Variants in SNED1 observed in about 807,000 individuals in gnomAD.
SNED1 encodes sushi, nidogen and EGF like domains 1, also known as sushi, nidogen and EGF-like domain-containing protein 1.
In SNED1, 81 loss-of-function variants were observed where a neutral mutation model predicts 166.7. That is an observed-to-expected ratio of 0.49 (90% confidence interval 0.41 to 0.58). The LOEUF is 0.58. Ranked by LOEUF, SNED1 falls within the 20% of genes least tolerant of loss-of-function variation. The pLI, the probability that SNED1 is intolerant of heterozygous loss-of-function variation, is 0.00. For synonymous variants in SNED1, 762 were observed against 822.0 expected (o/e 0.93, Z 1.25); for missense variants, 1,604 against 2,000.2 (o/e 0.80, Z 3.78).
At chr2:241,071,146 C>T (rs552414732) in intron 24 of SNED1, among the ~76,000 whole-genome samples, 29 of 152,302 alleles carry the variant, frequency 1.9e-4, no homozygotes, top group Admixed American at 3.3e-4. Flanking sequence ...GATGCACCCT[C>T]ACTCTCAGGG....
At chr2:241,071,746 T>G in intron 25 of SNED1, 26 bp downstream of exon 25, 1 of 837,546 alleles carries the variant, frequency 1.2e-6, no homozygotes, top group Non-Finnish European at 1.7e-6. Context: ...ATCGGCCCCA[T>G]CGCCCGAGGC....
Position 241,067,955 on chromosome 2 carries a change from G to A in SNED1, c.3194+8G>A, listed in dbSNP as rs769378677. ...GGACAGGTTCACCTTTAGGTAAGAA[G>A]GGACACCCAGAGCATGGGGCTGGGG... On this transcript the variant is annotated splice_region_variant and intron_variant, in intron 22 of 31. Transcript: ENST00000310397. The A allele has an allele frequency of 3.4e-5, 55 of 1,602,568 alleles. No homozygotes were observed. Among genetic ancestry groups the A allele is most frequent in the Non-Finnish European group, 4.3e-5 (50 of 1,171,338 alleles).
rs1302681968 is a variant in SNED1, at chr2:241,045,223, T to C, written c.1274-3092T>C. 2.0e-5 allele frequency among the ~76,000 whole-genome samples: 3 copies of C among 152,368 alleles called. No individual in the cohort carries two copies. In the East Asian group the frequency reaches 5.8e-4, roughly 29 times the overall value. On this transcript the variant is annotated intron_variant, in intron 8 of 31. Transcript: ENST00000310397. ...AGACTCAACGTAGTAAATATGGCAG[T>C]GCTCTCTAAATTGATTTATAGATTT...
chr2:241,049,260 C>T (rs2061755870), intron 11 of SNED1, 125 bp downstream of exon 11: 1 of 673,100 alleles, frequency 1.5e-6, no homozygotes, highest in Admixed American at 2.4e-5. Context: ...AGAGCTGGCA[C>T]CTGGGGAAGC....
At chr2:241,084,081 C>G (rs1048812727) in intron 29 of SNED1, among the ~76,000 whole-genome samples, 5 of 150,862 alleles carry the variant, frequency 3.3e-5, no homozygotes, top group Admixed American at 2.0e-4. Context: ...CACCTTAACA[C>G]AATGTACCCT....
chr2:241,040,616 T>C (rs561476160), intron 8 of SNED1, among the ~76,000 whole-genome samples: 3 of 152,094 alleles, frequency 2.0e-5, no homozygotes, highest in Non-Finnish European at 4.4e-5. Context: ...GCAGGGAAAA[T>C]AGGAAGCAAA....
intron 28 of SNED1, 128 bp from the exon 29 acceptor site, chr2:241,082,149 C>T (rs1297188875): frequency 6.9e-6 from 5 of 724,848 alleles, no homozygotes; most frequent in Non-Finnish European, 1.2e-5. Flanking sequence ...GGGCCCTCTC[C>T]CACCATCCCG....
At chr2:241,055,692 C>T (rs2062020330) in intron 16 of SNED1, among the ~76,000 whole-genome samples, 1 of 152,208 alleles carries the variant, frequency 6.6e-6, no homozygotes, top group South Asian at 2.1e-4. Context: ...AGAGAAGCCA[C>T]AGATGCAGAG....
chr2:241,007,731 G>T (rs545736870), intron 1 of SNED1, among the ~76,000 whole-genome samples: 1 of 152,034 alleles, frequency 6.6e-6, no homozygotes, highest in Non-Finnish European at 1.5e-5. Flanking sequence ...TCAATGTTAC[G>T]CCACGAGCAT....
chr2:241,038,072 C>G (rs1192507923), intron 6 of SNED1, among the ~76,000 whole-genome samples: 1 of 151,774 alleles, frequency 6.6e-6, no homozygotes, highest in Non-Finnish European at 1.5e-5. Flanking sequence ...AAGGTGGACC[C>G]CCCCCCAATT....
chr2:241,006,371 A>T (rs777107952), intron 1 of SNED1, among the ~76,000 whole-genome samples: 37 of 152,230 alleles, frequency 2.4e-4, no homozygotes, highest in Non-Finnish European at 7.3e-5. Context: ...TTTTTAATGC[A>T]ATACTTTGAC....
intron 1 of SNED1, among the ~76,000 whole-genome samples, chr2:241,019,075 A>G (rs921532742): frequency 2.6e-5 from 4 of 151,766 alleles, no homozygotes; most frequent in Non-Finnish European, 5.9e-5. Flanking sequence ...GCACATGCCC[A>G]TGGTGTGTGG....
chr2:240,998,194 T>A (rs2059970236), upstream of SNED1, among the ~76,000 whole-genome samples: 1 of 152,134 alleles, frequency 6.6e-6, no homozygotes, highest in Non-Finnish European at 1.5e-5. Flanking sequence ...GGCTCCGGGG[T>A]TAGTCTGCCC....
At chr2:241,008,214 G>T (rs1190219227) in intron 1 of SNED1, among the ~76,000 whole-genome samples, 1 of 152,242 alleles carries the variant, frequency 6.6e-6, no homozygotes, top group Non-Finnish European at 1.5e-5. Context: ...CCAAGTGGGG[G>T]AACAGAGTCA....
chr2:241,068,008 A>G lies in SNED1; in HGVS notation c.3194+61A>G, dbSNP rs2062534940. 1.4e-6 allele frequency: 2 copies of G among 1,463,354 alleles called. No individual in the cohort carries two copies. Among genetic ancestry groups the G allele is most frequent in the South Asian group, 2.5e-5 (2 of 80,926 alleles). 90.6% of individuals were successfully genotyped at this position (1,463,354 alleles called of 1,614,324 possible). Reference sequence around the variant, plus strand: ...AAGGCAGGGGTGGGGGCTCGGGGACACGGGGCCCAGGTCTCGGGCACATTC... The same window carrying G: ...AAGGCAGGGGTGGGGGCTCGGGGACGCGGGGCCCAGGTCTCGGGCACATTC... On this transcript the variant is annotated intron_variant, in intron 22 of 31. Coordinates refer to ENST00000310397, the MANE Select transcript of SNED1 (RefSeq NM_001080437.3). This position sits in a 1 kb window ranked among gnomAD's most constrained non-coding sequence, Gnocchi z 5.3.
rs1398658253 is a variant in SNED1 at position 241,064,114 on chromosome 2, A to G, written c.2588A>G (p.His863Arg). ...TGCCCAGAGAGCTTCTTCGGCTACCACTGCGAGACAGGTAGGGCGGCAGGC... is the reference window on the plus strand; with the variant it reads ...TGCCCAGAGAGCTTCTTCGGCTACCGCTGCGAGACAGGTAGGGCGGCAGGC... ...CVCPESFFGY[H>R]CETVSDPCFS... Residue 863 changes from histidine (H) to arginine (R), a missense_variant, in exon 19 of 32, where the codon CAC (histidine) becomes CGC (arginine). Physicochemically the swap from His to Arg is conservative, Grantham distance 29. Coordinates refer to ENST00000310397, the MANE Select transcript of SNED1 (RefSeq NM_001080437.3). This position sits in a 1 kb window ranked among gnomAD's most constrained non-coding sequence, Gnocchi z 7.0. 6 of 1,558,894 alleles carry G rather than the reference A, an allele frequency of 3.8e-6. No individual in the cohort carries two copies. The East Asian group carries it at 1.4e-4, about 38-fold the overall frequency.
chr2:241,005,672 C>T (rs2060203188), intron 1 of SNED1, among the ~76,000 whole-genome samples: 2 of 152,138 alleles, frequency 1.3e-5, no homozygotes, highest in Middle Eastern at 3.4e-3. Context: ...GAATTCCAAA[C>T]TGACTTTGGA....
Position 241,059,503 on chromosome 2 carries a change from T to A in SNED1, c.2258-3288T>A, listed in dbSNP as rs187964263. Among the ~76,000 whole-genome samples, 3 of 152,320 alleles carry A rather than the reference T, an allele frequency of 2.0e-5. No homozygotes were observed. The East Asian group carries it at 5.8e-4, about 29-fold the overall frequency. ...TACAAAATTTGAAGTTACAGACTGGTATCTCTCAAGAACATAGACACAACA... is the reference window on the plus strand; with the variant it reads ...TACAAAATTTGAAGTTACAGACTGGAATCTCTCAAGAACATAGACACAACA... On this transcript the variant is annotated intron_variant, in intron 16 of 31. Coordinates refer to ENST00000310397, the MANE Select transcript of SNED1 (RefSeq NM_001080437.3).
At chr2:241,049,170 G>A (rs1185086478) in intron 11 of SNED1, 35 bp downstream of exon 11, 3 of 1,537,264 alleles carry the variant, frequency 2.0e-6, no homozygotes, top group African/African-American at 2.7e-5. Context: ...CTGGGCCGGG[G>A]GCCCGGACAG....
Sources: gnomAD v4.1 joint callset for allele counts (sites outside exome capture counted in the v4.1 genomes callset) on GRCh38, gnomAD v4.1.1 for gene constraint, Gnocchi (gnomAD v3.1) non-coding constraint, MANE v1.5 for transcripts, NCBI Gene and HGNC (gene_info 2026-07-23, HGNC 2026-07-21) for gene names.